Variants in ACOX3 observed in about 807,000 individuals in gnomAD.
ACOX3 encodes the protein acyl-CoA oxidase 3, pristanoyl.
A neutral mutation model predicts 81.5 loss-of-function variants in ACOX3; 73 were observed. The ratio of observed to expected loss-of-function variants is 0.90; its 90% CI spans 0.74 to 1.09. The LOEUF is 1.09. Among genes scored for constraint, ACOX3 ranks in the 50% least tolerant of loss-of-function variants. The pLI is 0.00. For synonymous variants in ACOX3, 387 were observed against 375.1 expected, an observed-to-expected ratio of 1.03 and a Z score of -0.37; for missense variants, 947 against 928.0, an observed-to-expected ratio of 1.02 and a Z score of -0.27.
downstream of ACOX3, among the ~76,000 whole-genome samples, chr4:8,362,308 T>A (rs1009879220): frequency 1.3e-5 from 2 of 152,246 alleles, no homozygotes; most frequent in African/African-American, 2.4e-5. Context: ...TTACTTAAAA[T>A]GTTGCTGATC....
At chr4:8,364,565 ACAT>A (rs946999367), downstream of ACOX3, among the ~76,000 whole-genome samples, 2 of 151,068 alleles carry the variant, frequency 1.3e-5, no homozygotes, top group African/African-American at 4.9e-5. This position sits in a 1 kb window ranked among gnomAD's most constrained non-coding sequence, Gnocchi z 5.0. Context: ...TGACATGGTG[ACAT>A]CATGGCCACA....
chr4:8,363,157 C>T (rs1715270019), downstream of ACOX3, among the ~76,000 whole-genome samples: 1 of 152,214 alleles, frequency 6.6e-6, no homozygotes, highest in African/African-American at 2.4e-5. Flanking sequence ...ATAATGTAAA[C>T]ATCTGGATCA....
intron 17 of ACOX3, among the ~76,000 whole-genome samples, chr4:8,367,806 CAAA>C (rs535574857): frequency 4.3e-5 from 2 of 46,704 alleles, no homozygotes; most frequent in African/African-American, 6.3e-5. Context: ...CCCATCTTTA[CAAA>C]AAAAAAAAAA....
intron 11 of ACOX3, among the ~76,000 whole-genome samples, chr4:8,390,202 C>G (rs1718823770): frequency 6.6e-6 from 1 of 151,178 alleles, no homozygotes; most frequent in Non-Finnish European, 1.5e-5. Context: ...ATTAGCTGGG[C>G]ATAGTGGCAC....
In ACOX3 at chr4:8,406,263, G is replaced by C. The variant is rs947302795; in HGVS notation, c.688-220C>G. On this transcript the variant is annotated intron_variant, in intron 6 of 17. Transcript: ENST00000356406. This position sits in a 1 kb window ranked among gnomAD's most constrained non-coding sequence, Gnocchi z 5.6. ...TCCTGCAGATATAATGAATTTAAGA[G>C]CATCAAGATAAGGTCATCCCAAATC... Among the ~76,000 whole-genome samples the C allele has an allele frequency of 2.0e-5, 3 of 152,210 alleles. No individual in the cohort carries two copies. The highest frequency in any genetic ancestry group is 7.2e-5 in the African/African-American group (3 of 41,444).
chr4:8,409,916 G>C (rs1003695883), intron 6 of ACOX3, among the ~76,000 whole-genome samples: 3 of 151,192 alleles, frequency 2.0e-5, no homozygotes, highest in Admixed American at 2.0e-4. Context: ...ACTGTGGGCG[G>C]AGCTGTCTGT....
the ACOX3 span, chr4:8,357,174 G>C: frequency 2.2e-6 from 1 of 456,774 alleles, no homozygotes; most frequent in East Asian, 7.0e-5. Flanking sequence ...AACGGTGCAT[G>C]CTAACATGAA....
At chr4:8,355,772 T>G in the ACOX3 span, 3 of 152,376 alleles carry the variant, frequency 2.0e-5, no homozygotes, top group South Asian at 6.2e-4. Context: ...GAATAATGAT[T>G]TACAGTGAAT....
chr4:8,393,633 ACACG>A (rs1301192859), intron 10 of ACOX3, among the ~76,000 whole-genome samples: 2,750 of 71,172 alleles, frequency 0.039, 29 homozygotes, highest in Non-Finnish European at 0.066. Flanking sequence ...ACACACACAC[ACACG>A]CACACACACA....
At chr4:8,398,972 G>A (rs1262627760) in intron 8 of ACOX3, among the ~76,000 whole-genome samples, 1 of 152,198 alleles carries the variant, frequency 6.6e-6, no homozygotes, top group Non-Finnish European at 1.5e-5. Context: ...CACCCTGTGT[G>A]TCTCTGGGCA....
At chr4:8,390,875 C>T (rs1238156390) in intron 11 of ACOX3, among the ~76,000 whole-genome samples, 3 of 152,172 alleles carry the variant, frequency 2.0e-5, no homozygotes, top group Non-Finnish European at 4.4e-5. Context: ...AATCATGCCA[C>T]GAGCTTCCTG....
In ACOX3 at chr4:8,410,221, A is replaced by G. The variant is rs996996450; in HGVS notation, c.678T>C (p.Phe226=). The change falls in exon 6 of 18, where the codon TTT becomes TTC. Residue 226 remains phenylalanine, a synonymous_variant. Transcript: ENST00000356406. ...CACCCCAGCGTCCTACCTGCACGATAAAGGGATGCAGCCCATGGCACTGGT... is the reference window on the plus strand; with the variant it reads ...CACCCCAGCGTCCTACCTGCACGATGAAGGGATGCAGCCCATGGCACTGGT... The part of the protein sequence containing the change: ...PGDQCHGLHP[F]IVQIRDPKTL... The G allele has an allele frequency of 5.6e-6, 9 of 1,613,938 alleles. No individual in the cohort carries two copies. Among genetic ancestry groups the G allele is most frequent in the Non-Finnish European group, 7.6e-6 (9 of 1,179,872 alleles).
At position 8,368,611 on chromosome 4, in the gene ACOX3, C is replaced by T. The variant is rs558666915; in HGVS notation, c.1984-1531G>A. Among the ~76,000 whole-genome samples, 8 of 152,292 alleles carry T rather than the reference C, an allele frequency of 5.3e-5. No individual in the cohort carries two copies. Among genetic ancestry groups the T allele is most frequent in the East Asian group, 1.9e-4 (1 of 5,188 alleles). ...GCTTATGTTTCACAGTTTGGAGCAG[C>T]GGGCTTGATTTAAGGATGGTCTCAA... is the stretch of plus-strand genomic sequence containing the variant. On this transcript the variant is annotated intron_variant, in intron 17 of 17. Coordinates refer to ENST00000356406, the MANE Select transcript of ACOX3 (RefSeq NM_003501.3). The surrounding 1 kb of genome is among the most constrained non-coding windows in gnomAD (Gnocchi z 5.9).
In ACOX3 at chr4:8,434,135, T is replaced by C. The variant is rs752642985; in HGVS notation, c.-15+6513A>G. 6.5e-4 allele frequency among the ~76,000 whole-genome samples: 99 copies of C among 152,288 alleles called. 1 individual carries two copies. The highest frequency in any genetic ancestry group is 1.3e-3 in the Non-Finnish European group (87 of 68,022). On this transcript the variant is annotated intron_variant, in intron 1 of 17. Coordinates refer to ENST00000356406, the MANE Select transcript of ACOX3 (RefSeq NM_003501.3). ...ATTCCAGACATTGTATGAAAAAGCA[T>C]TGCAAAACTTTCTGTTCTGTTAGCT...
chr4:8,397,298 C>T (rs1719828311), intron 8 of ACOX3, among the ~76,000 whole-genome samples, 179 bp from the exon 9 acceptor site: 1 of 152,218 alleles, frequency 6.6e-6, no homozygotes, highest in South Asian at 2.1e-4. Flanking sequence ...GTAGAGATGT[C>T]ACTGATGAAC....
chr4:8,383,198 T>C (rs1560173704), intron 13 of ACOX3, among the ~76,000 whole-genome samples: 1 of 151,984 alleles, frequency 6.6e-6, no homozygotes, highest in Non-Finnish European at 1.5e-5. Flanking sequence ...GAAAGACGGG[T>C]GCTGCTGACC....
rs949301032 is a variant in ACOX3 at position 8,423,697 on chromosome 4, G to A, written c.-14-7162C>T. 6.6e-6 allele frequency among the ~76,000 whole-genome samples: 1 copy of A among 152,178 alleles called. No individual in the cohort carries two copies. The highest frequency in any genetic ancestry group is 6.5e-5 in the Admixed American group (1 of 15,282). ...CACTCTGCTTTCCCAAATACCAGAG[G>A]AAGCAGAGTGGTTTACAGTCCTGGA... On this transcript the variant is annotated intron_variant, in intron 1 of 17. Transcript: ENST00000356406. This position sits in a 1 kb window ranked among gnomAD's most constrained non-coding sequence, Gnocchi z 4.2.
At position 8,427,647 on chromosome 4, in the gene ACOX3, C is replaced by T. The variant is rs1248536388; in HGVS notation, c.-14-11112G>A. ...CTTCTAATAGAGCTATAACACTCAC[C>T]GCATGGCCCAAGGTTCCATTCCTTG... On this transcript the variant is annotated intron_variant, in intron 1 of 17. Transcript: ENST00000356406. Among the ~76,000 whole-genome samples the T allele has an allele frequency of 3.9e-5, 6 of 152,208 alleles. No individual in the cohort carries two copies. In the East Asian group the frequency reaches 9.6e-4, roughly 24 times the overall value.
At chr4:8,369,170 C>T (rs903598897) in intron 17 of ACOX3, among the ~76,000 whole-genome samples, 48 of 152,272 alleles carry the variant, frequency 3.2e-4, no homozygotes, top group East Asian at 5.8e-4. Flanking sequence ...AAGGCCGCTC[C>T]GGCTTCTCCT....
Sources: gnomAD v4.1 joint callset for allele counts (sites outside exome capture counted in the v4.1 genomes callset) on GRCh38, gnomAD v4.1.1 for gene constraint, Gnocchi (gnomAD v3.1) non-coding constraint, MANE v1.5 for transcripts, NCBI Gene and HGNC (gene_info 2026-07-23, HGNC 2026-07-21) for gene names.